Variants in CORIN observed in about 807,000 individuals in gnomAD.
CORIN encodes corin, serine peptidase.
CORIN carries 117 observed loss-of-function variants against 125.3 expected under a neutral mutation model. The ratio of observed to expected loss-of-function variants is 0.93; its 90% CI spans 0.80 to 1.09. The LOEUF (loss-of-function observed/expected upper bound fraction) is 1.09, where lower values mean the gene tolerates loss of function less well. Among genes scored for constraint, CORIN ranks in the 50% least tolerant of loss-of-function variants. The pLI is 0.00. For synonymous variants in CORIN, 450 were observed against 466.4 expected, an observed-to-expected ratio of 0.96 and a Z score of 0.45; for missense variants, 1,253 against 1,306.7, an observed-to-expected ratio of 0.96 and a Z score of 0.63.
chr4:47,622,014 A>G (rs1722337964), intron 19 of CORIN, among the ~76,000 whole-genome samples: 1 of 75,896 alleles, frequency 1.3e-5, no homozygotes, highest in Non-Finnish European at 2.5e-5. Flanking sequence ...CCCACCCCAC[A>G]ACAGTCCCCA....
intron 5 of CORIN, among the ~76,000 whole-genome samples, chr4:47,699,940 A>T (rs1166583728): frequency 6.6e-6 from 1 of 152,150 alleles, no homozygotes; most frequent in Non-Finnish European, 1.5e-5. Flanking sequence ...TTTGGGTTAA[A>T]ATGGTAGGTT....
At position 47,600,265 on chromosome 4, in the gene CORIN, G is replaced by A; in HGVS notation, c.2895C>T (p.Thr965=). 6.2e-7 allele frequency: 1 copy of A among 1,613,748 alleles called. No homozygotes were observed. Residue 965 remains threonine (T), a synonymous_variant, in exon 21 of 22, where the codon ACC becomes ACT. Transcript: ENST00000273857. ...CQSYFDMKTI[T]TRMICAGYES... is the part of the protein sequence containing the mutation. Reference sequence around the variant, plus strand: ...CATAGCCAGCACATATCATCCGAGTGGTGATGGTCTTCATGTCAAAGTAGG... The same window carrying A: ...CATAGCCAGCACATATCATCCGAGTAGTGATGGTCTTCATGTCAAAGTAGG...
At chr4:47,742,225 G>T (rs1032598496) in intron 5 of CORIN, among the ~76,000 whole-genome samples, 4 of 151,874 alleles carry the variant, frequency 2.6e-5, no homozygotes, top group African/African-American at 7.3e-5. Flanking sequence ...TCCTTAATCT[G>T]ACCAAGAGTA....
chr4:47,786,828 A>AATTGTATTT lies in CORIN; in HGVS notation c.297_305dup (p.Asn100_Ile102dup), dbSNP rs1560548576. 1 of 1,614,004 alleles carries AATTGTATTT rather than the reference A, an allele frequency of 6.2e-7. No homozygotes were observed. The highest frequency in any genetic ancestry group is 1.1e-5 in the South Asian group (1 of 91,074). ...TAGACACCACAGTGCTCTGGTTATA[A>AATTGTATTT]ATTGTATTTGTAAGAATAACATCGG... On this transcript the variant is annotated inframe_insertion, in exon 3 of 22. Transcript: ENST00000273857.
intron 5 of CORIN, among the ~76,000 whole-genome samples, chr4:47,707,273 A>AG (rs892206843): frequency 2.0e-5 from 3 of 152,202 alleles, no homozygotes; most frequent in Non-Finnish European, 4.4e-5. Context: ...TTAAAAGAAG[A>AG]GAAAAAAAAG....
intron 4 of CORIN, among the ~76,000 whole-genome samples, chr4:47,757,297 T>A (rs1044025762): frequency 2.0e-5 from 3 of 152,060 alleles, no homozygotes; most frequent in Non-Finnish European, 4.4e-5. Context: ...AAATTAAATA[T>A]AATAATAAAT....
chr4:47,607,482 CA>C (rs1721699022), intron 19 of CORIN, among the ~76,000 whole-genome samples: 1 of 151,800 alleles, frequency 6.6e-6, no homozygotes, highest in African/African-American at 2.4e-5. Flanking sequence ...TCAGTGATGA[CA>C]GTGTTCTTTT....
In CORIN at chr4:47,786,825, A is replaced by T. The variant is rs771729352; in HGVS notation, c.309T>A (p.Tyr103Ter). 6.2e-7 allele frequency: 1 copy of T among 1,614,096 alleles called. No individual in the cohort carries two copies. Among genetic ancestry groups the T allele is most frequent in the Non-Finnish European group, 8.5e-7 (1 of 1,179,934 alleles). Residue 103 changes from tyrosine (Y) to a stop codon, truncating the protein, a stop_gained, in exon 3 of 22, where the codon TAT (tyrosine) becomes TAA (stop). Coordinates refer to ENST00000273857, the MANE Select transcript of CORIN (RefSeq NM_006587.4). LOFTEE classifies it high-confidence loss of function. ...CAGTAGACACCACAGTGCTCTGGTT[A>T]TAAATTGTATTTGTAAGAATAACAT... ...GSDVILTNTI[Y>*]NQSTVVSTAH... is the part of the protein sequence containing the mutation.
intron 3 of CORIN, among the ~76,000 whole-genome samples, chr4:47,776,403 T>C (rs997936061): frequency 6.6e-6 from 1 of 152,126 alleles, no homozygotes; most frequent in Non-Finnish European, 1.5e-5. Flanking sequence ...GCGTGTGGTA[T>C]GAGCCACCAC....
chr4:47,703,396 A>G lies in CORIN; in HGVS notation c.800-10313T>C, dbSNP rs11930888. On this transcript the variant is annotated intron_variant, in intron 5 of 21. Transcript: ENST00000273857. ...TACCATAATTAAGAGAAAAAAGTTA[A>G]TGGTGAGGAAATGAGTTCATAAACA... Among the ~76,000 whole-genome samples the G allele has an allele frequency of 2.7e-3, 415 of 152,340 alleles. 3 individuals are homozygous for G. Among genetic ancestry groups the G allele is most frequent in the Non-Finnish European group, 4.1e-3 (282 of 68,034 alleles).
chr4:47,800,342 T>C (rs1045660631), intron 2 of CORIN, among the ~76,000 whole-genome samples: 16 of 152,096 alleles, frequency 1.1e-4, no homozygotes, highest in Admixed American at 2.6e-4. Flanking sequence ...CTTTGCCCTC[T>C]CCTCAGAGGC....
intron 1 of CORIN, among the ~76,000 whole-genome samples, chr4:47,823,327 T>C (rs890344846): frequency 6.6e-6 from 1 of 152,176 alleles, no homozygotes; most frequent in African/African-American, 2.4e-5. Context: ...ATGCTTTGAA[T>C]TCATCTGCTA....
intron 19 of CORIN, among the ~76,000 whole-genome samples, chr4:47,620,653 G>A (rs1479405623): frequency 6.6e-6 from 1 of 152,220 alleles, no homozygotes. Flanking sequence ...ATGCCATAAT[G>A]CTAAGGGAAA....
intron 2 of CORIN, among the ~76,000 whole-genome samples, chr4:47,804,360 T>C (rs1323897866): frequency 6.6e-6 from 1 of 152,212 alleles, no homozygotes; most frequent in Non-Finnish European, 1.5e-5. Context: ...GCTGGGTATA[T>C]GCCCAAAAGA....
chr4:47,612,302 T>C (rs542907700), intron 19 of CORIN, among the ~76,000 whole-genome samples: 22 of 152,210 alleles, frequency 1.4e-4, no homozygotes, highest in Non-Finnish European at 2.8e-4. Context: ...CATTCGCCTC[T>C]CAGCTCCAGA....
chr4:47,729,965 T>C (rs1237245632), intron 5 of CORIN, among the ~76,000 whole-genome samples: 1 of 152,136 alleles, frequency 6.6e-6, no homozygotes. Context: ...ATTCCCCTGC[T>C]TCCGGCTCCC....
chr4:47,716,449 TG>T (rs2109787320), intron 5 of CORIN, among the ~76,000 whole-genome samples: 1 of 152,340 alleles, frequency 6.6e-6, no homozygotes, highest in Admixed American at 6.5e-5. Flanking sequence ...GGCTCTCTGA[TG>T]GTGTTAGCAA....
intron 5 of CORIN, among the ~76,000 whole-genome samples, chr4:47,738,165 T>A (rs1362941992): frequency 6.6e-6 from 1 of 152,104 alleles, no homozygotes; most frequent in Non-Finnish European, 1.5e-5. Context: ...ATCCCATGAA[T>A]GTGCAGGACT....
At chr4:47,687,168 A>G (rs1388732966) in intron 6 of CORIN, among the ~76,000 whole-genome samples, 1 of 152,242 alleles carries the variant, frequency 6.6e-6, no homozygotes, top group East Asian at 1.9e-4. Flanking sequence ...CTGCATTTGG[A>G]AAACAATCTG....
Sources: gnomAD v4.1 joint callset for allele counts (sites outside exome capture counted in the v4.1 genomes callset) on GRCh38, gnomAD v4.1.1 for gene constraint, MANE v1.5 for transcripts, NCBI Gene and HGNC (gene_info 2026-07-23, HGNC 2026-07-21) for gene names.